HYDIN: variants seen among roughly 807,000 people sequenced by gnomAD.
The protein encoded by HYDIN is HYDIN axonemal central pair apparatus protein.
A neutral mutation model predicts 403.9 loss-of-function variants in HYDIN; 132 were observed. That is an observed-to-expected ratio of 0.33 (90% CI 0.28 to 0.38). The LOEUF (loss-of-function observed/expected upper bound fraction) is 0.38. HYDIN is among the 10% of genes least tolerant of loss of function. The pLI is 1.00. For missense variants in HYDIN, 2,827 were observed against 5,009.5 expected, an observed-to-expected ratio of 0.56 and a Z score of 13.15; for synonymous variants, 1,202 against 1,891.7, an observed-to-expected ratio of 0.64 and a Z score of 9.46.
chr16:70,990,325 G>A (rs2079306458), intron 25 of HYDIN, among the ~76,000 whole-genome samples: 1 of 140,510 alleles, frequency 7.1e-6, no homozygotes, highest in Non-Finnish European at 1.5e-5. Flanking sequence ...AACCCAGGAG[G>A]TGGAGGTTGC....
intron 5 of HYDIN, among the ~76,000 whole-genome samples, chr16:71,167,654 T>C (rs1156252608): frequency 6.6e-6 from 1 of 152,204 alleles, no homozygotes; most frequent in African/African-American, 2.4e-5. Flanking sequence ...TTTTTCATAA[T>C]CAATTCACAC....
chr16:71,161,285 A>T (rs572316476), intron 6 of HYDIN, among the ~76,000 whole-genome samples: 1 of 152,256 alleles, frequency 6.6e-6, no homozygotes, highest in South Asian at 2.1e-4. Context: ...GGCGGAGCTC[A>T]GGCGGTAATG....
intron 1 of HYDIN, among the ~76,000 whole-genome samples, chr16:71,226,322 C>T (rs1160080260): frequency 6.6e-6 from 1 of 151,994 alleles, no homozygotes; most frequent in Non-Finnish European, 1.5e-5. Flanking sequence ...GACAAAGGTG[C>T]CAAGGTAAGT....
At chr16:70,956,043 C>G (rs2078224991) in intron 39 of HYDIN, among the ~76,000 whole-genome samples, 1 of 152,162 alleles carries the variant, frequency 6.6e-6, no homozygotes, top group East Asian at 1.9e-4. Flanking sequence ...TGGTCTCGAA[C>G]TCCTAACTTC....
rs1388213533 is a variant in HYDIN at position 71,178,980 on chromosome 16, T to G, written c.329A>C (p.Tyr110Ser). The part of the protein sequence containing the change: ...PFPSEIIFQN[Y>S]TPCEVYEVPL... The stretch of plus-strand genomic sequence containing the variant: ...AACTTCATAGACTTCACAGGGAGTG[T>G]AGTTCTGAAATATAATTTCTGATGG... Residue 110 changes from tyrosine to serine, a missense_variant, in exon 4 of 86, where the codon TAC becomes TCC. By Grantham distance (144) the Tyr-to-Ser change is moderately radical. Transcript: ENST00000393567. 1 of 1,610,316 alleles carries G rather than the reference T, an allele frequency of 6.2e-7. No individual in the cohort carries two copies. The highest frequency in any genetic ancestry group is 1.3e-5 in the African/African-American group (1 of 74,852).
intron 7 of HYDIN, among the ~76,000 whole-genome samples, chr16:71,150,400 GA>G (rs1369960481): frequency 2.6e-5 from 4 of 151,058 alleles, no homozygotes; most frequent in African/African-American, 9.8e-5. Context: ...GGAAAATATA[GA>G]GGTAAAAATG....
intron 71 of HYDIN, 125 bp from the exon 72 acceptor site, chr16:70,857,995 A>G: frequency 8.1e-7 from 1 of 1,227,250 alleles, no homozygotes; most frequent in South Asian, 1.6e-5. Flanking sequence ...CTACCTTTCT[A>G]TAGTCCATGT....
intron 75 of HYDIN, among the ~76,000 whole-genome samples, chr16:70,842,938 T>G (rs889776067): frequency 3.3e-5 from 5 of 151,974 alleles, no homozygotes; most frequent in African/African-American, 1.2e-4. Context: ...GTATTAGTGG[T>G]TGCAAGGAAG....
rs746347808 is a variant in HYDIN at position 70,832,877 on chromosome 16, C to T, written c.13870G>A (p.Val4624Ile). The T allele has an allele frequency of 1.9e-6, 3 of 1,613,856 alleles. No individual in the cohort carries two copies. Among genetic ancestry groups the T allele is most frequent in the East Asian group, 2.2e-5 (1 of 44,864 alleles). Residue 4624 changes from valine (V) to isoleucine (I), a missense_variant, in exon 80 of 86, where the codon GTC becomes ATC. Val to Ile is a conservative substitution (Grantham distance 29). Transcript: ENST00000393567. ...TTTACCGCAGGTGGTCCCACGCAGA[C>T]TCCAGACAGGGTTAGACTCAGAGGA... The part of the protein sequence containing the change: ...GSPLSLTLSG[V>I]CVGPPAVKEV...
chr16:70,916,533 T>A (rs2076845005), intron 47 of HYDIN, among the ~76,000 whole-genome samples: 1 of 152,172 alleles, frequency 6.6e-6, no homozygotes, highest in Admixed American at 6.5e-5. Context: ...TGCTGCTTGC[T>A]CCAGAGGGTC....
intron 45 of HYDIN, among the ~76,000 whole-genome samples, chr16:70,934,069 G>C (rs2077429029): frequency 6.6e-6 from 1 of 152,174 alleles, no homozygotes; most frequent in South Asian, 2.1e-4. Flanking sequence ...TAGGAAAGAA[G>C]AGCGATCCAA....
At chr16:71,210,727 T>A (rs1360881640) in intron 1 of HYDIN, among the ~76,000 whole-genome samples, 1 of 152,188 alleles carries the variant, frequency 6.6e-6, no homozygotes. Flanking sequence ...TTAATTTCTA[T>A]CTATAATTAG....
chr16:71,139,270 A>AT (rs202114742), intron 7 of HYDIN, among the ~76,000 whole-genome samples: 3 of 152,142 alleles, frequency 2.0e-5, no homozygotes, highest in East Asian at 1.9e-4. Flanking sequence ...AAGAAACTCA[A>AT]TTTTTTGGGG....
At chr16:71,061,898 G>GTGTC (rs1313279261) in intron 17 of HYDIN, among the ~76,000 whole-genome samples, 8 of 148,242 alleles carry the variant, frequency 5.4e-5, no homozygotes, top group Non-Finnish European at 9.0e-5. Context: ...GTGTGTGTCA[G>GTGTC]AGAGAGAGAG....
intron 45 of HYDIN, among the ~76,000 whole-genome samples, chr16:70,931,207 TCTG>T (rs1280745122): frequency 1.6e-4 from 18 of 111,694 alleles, no homozygotes; most frequent in Admixed American, 1.5e-3. Flanking sequence ...CTCTCTTTCT[TCTG>T]TTTTTTTTTT....
intron 9 of HYDIN, among the ~76,000 whole-genome samples, chr16:71,122,186 C>G (rs1202147820): frequency 4.0e-5 from 6 of 151,296 alleles, no homozygotes; most frequent in Non-Finnish European, 8.8e-5. Flanking sequence ...CTGGAGAGAA[C>G]AGAACTGTGT....
intron 44 of HYDIN, among the ~76,000 whole-genome samples, chr16:70,938,151 A>C (rs2077552690): frequency 6.6e-6 from 1 of 152,272 alleles, no homozygotes; most frequent in South Asian, 2.1e-4. Context: ...AAGGGGACCC[A>C]GGCAGGGGGA....
chr16:70,844,906 G>A (rs1392653291), intron 75 of HYDIN, among the ~76,000 whole-genome samples: 4 of 150,212 alleles, frequency 2.7e-5, no homozygotes, highest in Non-Finnish European at 5.9e-5. Context: ...CTGAGACTTT[G>A]CTGAAGTTGC....
intron 58 of HYDIN, among the ~76,000 whole-genome samples, chr16:70,888,613 T>C (rs1429733714): frequency 6.6e-6 from 1 of 150,776 alleles, no homozygotes; most frequent in East Asian, 1.9e-4. Context: ...TATCACTAGG[T>C]TGGGGTGGAC....
Sources: gnomAD v4.1 joint callset for allele counts (sites outside exome capture counted in the v4.1 genomes callset) on GRCh38, gnomAD v4.1.1 for gene constraint, MANE v1.5 for transcripts, NCBI Gene and HGNC (gene_info 2026-07-23, HGNC 2026-07-21) for gene names.